CHCHD6: variants seen among roughly 807,000 people sequenced by gnomAD.
CHCHD6 encodes MICOS complex subunit MIC25.
CHCHD6 carries 28 observed loss-of-function variants against 32.3 expected under a neutral mutation model. The observed-to-expected ratio is 0.87, with a 90% CI of 0.64 to 1.19. The LOEUF is 1.19. Among genes scored for constraint, CHCHD6 ranks in the 50% most tolerant of loss-of-function variants. CHCHD6 has a pLI of 0.00. For synonymous variants in CHCHD6, 122 were observed against 117.5 expected (o/e 1.04, Z -0.25); for missense variants, 333 against 307.0 (o/e 1.08, Z -0.63).
rs116723174 is a variant in CHCHD6 at position 126,796,207 on chromosome 3, G to A, written c.412-56440G>A. On this transcript the variant is annotated intron_variant, in intron 4 of 7. Coordinates refer to ENST00000290913, the MANE Select transcript of CHCHD6 (RefSeq NM_032343.3). Reference sequence around the variant, plus strand: ...TAAAAACATAAAAACAAAATTAGCCGGGCTTGGTGGTGTACACCTGTGGTC... The same window carrying A: ...TAAAAACATAAAAACAAAATTAGCCAGGCTTGGTGGTGTACACCTGTGGTC... 3.8e-3 allele frequency among the ~76,000 whole-genome samples: 582 copies of A among 152,142 alleles called. 6 individuals carry two copies. The highest frequency in any genetic ancestry group is 0.013 in the African/African-American group (523 of 41,512).
At chr3:126,915,682 TA>T (rs2078158290) in intron 6 of CHCHD6, among the ~76,000 whole-genome samples, 1 of 152,152 alleles carries the variant, frequency 6.6e-6, no homozygotes, top group Admixed American at 6.5e-5. Context: ...ATGATAGTTG[TA>T]AAAACAGCTG....
chr3:126,869,087 G>A (rs2077429359), intron 5 of CHCHD6, among the ~76,000 whole-genome samples: 1 of 152,140 alleles, frequency 6.6e-6, no homozygotes, highest in Non-Finnish European at 1.5e-5. Context: ...GCAAAGTATG[G>A]CTCCTAATCT....
chr3:126,799,862 T>G (rs1030169661), intron 4 of CHCHD6, among the ~76,000 whole-genome samples: 2 of 152,232 alleles, frequency 1.3e-5, no homozygotes, highest in African/African-American at 4.8e-5. Context: ...TTTTGGGTCT[T>G]ACTTCATATG....
chr3:126,933,654 C>T (rs1431509285), intron 6 of CHCHD6, among the ~76,000 whole-genome samples: 1 of 152,170 alleles, frequency 6.6e-6, no homozygotes, highest in Non-Finnish European at 1.5e-5. Context: ...GGCACCAAGC[C>T]ATTCATGAGG....
chr3:126,803,320 A>G (rs527785139), intron 4 of CHCHD6, among the ~76,000 whole-genome samples: 13 of 152,346 alleles, frequency 8.5e-5, no homozygotes, highest in African/African-American at 2.4e-4. Context: ...CAGGAAACCC[A>G]TCTCACATGC....
chr3:126,879,909 A>G (rs1419912853), intron 5 of CHCHD6, among the ~76,000 whole-genome samples: 3 of 152,216 alleles, frequency 2.0e-5, no homozygotes, highest in African/African-American at 4.8e-5. Flanking sequence ...GGTGAAATGT[A>G]TATGGGCACT....
chr3:126,768,082 C>G (rs752204118), intron 4 of CHCHD6, among the ~76,000 whole-genome samples: 52 of 152,066 alleles, frequency 3.4e-4, no homozygotes, highest in Non-Finnish European at 6.6e-4. Flanking sequence ...GGGTCTGTGT[C>G]CCCGCCCAAA....
rs1360537981 is a variant in CHCHD6, at chr3:126,726,935, A to G, written c.88-143A>G. 80 of 629,538 alleles carry G rather than the reference A, an allele frequency of 1.3e-4. No individual in the cohort carries two copies. In the East Asian group the frequency reaches 2.1e-3, roughly 17 times the overall value. The allele number at this position is 629,538 out of a possible 1,614,324, so 39.0% of individuals were successfully genotyped here. A position where few individuals can be genotyped will look rare whatever the true frequency, so the allele number is the denominator to read the frequency against. On this transcript the variant is annotated intron_variant, in intron 1 of 7. Transcript: ENST00000290913. ...GTAGGCACTGGGCCACCACGAGAGG[A>G]GTTTTAGTAGAATTGCTTTGTTGGA...
chr3:126,863,656 CCCTCCTCCACCATCACCACCTCCT>C (rs1559889065), intron 5 of CHCHD6, among the ~76,000 whole-genome samples: 7 of 84,302 alleles, frequency 8.3e-5, no homozygotes, highest in East Asian at 4.4e-4. Context: ...CACCACCTCC[CCCTCCTCCACCATCACCACCTCCT>C]CCTCCTCCAC....
At chr3:126,920,388 A>C (rs1435390222) in intron 6 of CHCHD6, among the ~76,000 whole-genome samples, 1 of 151,632 alleles carries the variant, frequency 6.6e-6, no homozygotes, top group East Asian at 1.9e-4. Context: ...TGAGTGCCAG[A>C]AATTGTCTGG....
intron 5 of CHCHD6, among the ~76,000 whole-genome samples, chr3:126,874,460 C>G (rs1182088270): frequency 3.3e-5 from 5 of 152,094 alleles, no homozygotes; most frequent in Admixed American, 3.3e-4. Flanking sequence ...TACCATGTAG[C>G]CTTGGGATGG....
At chr3:126,717,034 C>T (rs1437929404) in intron 1 of CHCHD6, among the ~76,000 whole-genome samples, 1 of 152,210 alleles carries the variant, frequency 6.6e-6, no homozygotes, top group Non-Finnish European at 1.5e-5. Flanking sequence ...GGGGTGGCAG[C>T]CTGCTGCCTT....
At chr3:126,860,520 C>T (rs1941823060) in intron 5 of CHCHD6, among the ~76,000 whole-genome samples, 1 of 152,098 alleles carries the variant, frequency 6.6e-6, no homozygotes, top group Admixed American at 6.5e-5. Flanking sequence ...GGGTGCAGCA[C>T]ACCAACATGG....
intron 5 of CHCHD6, among the ~76,000 whole-genome samples, chr3:126,901,370 T>C (rs2077925556): frequency 6.6e-6 from 1 of 152,138 alleles, no homozygotes; most frequent in Non-Finnish European, 1.5e-5. Flanking sequence ...TGGACCACCT[T>C]AGGTTACTCA....
At chr3:126,872,168 T>C (rs996256014) in intron 5 of CHCHD6, among the ~76,000 whole-genome samples, 1 of 152,140 alleles carries the variant, frequency 6.6e-6, no homozygotes, top group Non-Finnish European at 1.5e-5. Flanking sequence ...ATCTATCTAC[T>C]AGGTAAGGGC....
At chr3:126,756,603 G>A (rs920541879) in intron 4 of CHCHD6, among the ~76,000 whole-genome samples, 3 of 152,170 alleles carry the variant, frequency 2.0e-5, no homozygotes, top group African/African-American at 7.2e-5. Flanking sequence ...GGATAACCTT[G>A]AGCAAATTAT....
At chr3:126,739,099 C>G (rs889540394) in intron 4 of CHCHD6, among the ~76,000 whole-genome samples, 1 of 152,180 alleles carries the variant, frequency 6.6e-6, no homozygotes, top group Admixed American at 6.6e-5. Flanking sequence ...ATGTGGAGAT[C>G]TGAAAATCCT....
intron 4 of CHCHD6, among the ~76,000 whole-genome samples, chr3:126,767,652 T>A (rs911368011): frequency 2.1e-4 from 32 of 152,224 alleles, no homozygotes; most frequent in African/African-American, 7.5e-4. Flanking sequence ...ATAGGTAAAC[T>A]GCATGTCACA....
chr3:126,715,377 T>G (rs1156946263), intron 1 of CHCHD6, among the ~76,000 whole-genome samples: 1 of 152,236 alleles, frequency 6.6e-6, no homozygotes, highest in Non-Finnish European at 1.5e-5. Context: ...GAGTATGCTC[T>G]AGGAACGGCA....
Sources: gnomAD v4.1 joint callset for allele counts (sites outside exome capture counted in the v4.1 genomes callset) on GRCh38, gnomAD v4.1.1 for gene constraint, MANE v1.5 for transcripts, NCBI Gene and HGNC (gene_info 2026-07-23, HGNC 2026-07-21) for gene names.